Variants in TGFB2 observed in about 807,000 individuals in gnomAD.
TGFB2 encodes the protein transforming growth factor beta 2.
A neutral mutation model predicts 42.7 loss-of-function variants in TGFB2; 13 were observed. The observed-to-expected ratio is 0.30, with a 90% confidence interval of 0.20 to 0.48. TGFB2 has a LOEUF of 0.48. Ranked by LOEUF, TGFB2 falls within the 20% of genes least tolerant of loss-of-function variation. TGFB2 has a pLI of 0.99. For synonymous variants in TGFB2, 193 were observed against 193.6 expected (o/e 1.00, Z 0.03); for missense variants, 390 against 517.5 (o/e 0.75, Z 2.39).
chr1:218,436,459 G>A (rs1032879942), intron 5 of TGFB2, among the ~76,000 whole-genome samples: 8 of 152,272 alleles, frequency 5.3e-5, no homozygotes, highest in African/African-American at 1.9e-4. Flanking sequence ...CTTATTTGAG[G>A]TGTGTGATGT....
At chr1:218,437,593 T>G (rs1660013576) in intron 6 of TGFB2, 97 bp downstream of exon 6, 7 of 1,319,274 alleles carry the variant, frequency 5.3e-6, no homozygotes, top group Non-Finnish European at 7.1e-6. Flanking sequence ...TCGTGCTGTC[T>G]TACCATCACA....
chr1:218,390,408 A>G (rs1475322235), intron 1 of TGFB2, among the ~76,000 whole-genome samples: 1 of 152,062 alleles, frequency 6.6e-6, no homozygotes, highest in African/African-American at 2.4e-5. Context: ...GTGCTTTCCA[A>G]TAAGTTGGGA....
chr1:218,345,368 C>A lies in TGFB2; in HGVS notation c.-1334C>A, dbSNP rs1656623372. On this transcript the variant is annotated 5_prime_UTR_variant, in exon 1 of 7. Coordinates refer to ENST00000366930, the MANE Select transcript of TGFB2 (RefSeq NM_003238.6). Reference sequence around the variant, plus strand: ...TCTGCTGGCAGCAGAAGGTTCGCTCCGAGCGGAGCTCCAGAAGCTCCTGAC... The same window carrying A: ...TCTGCTGGCAGCAGAAGGTTCGCTCAGAGCGGAGCTCCAGAAGCTCCTGAC... 6.6e-6 allele frequency: 1 copy of A among 152,232 alleles called. No individual in the cohort carries two copies. The highest frequency in any genetic ancestry group is 1.9e-4 in the East Asian group (1 of 5,188). 9.4% of individuals were successfully genotyped at this position (152,232 alleles called of 1,614,324 possible). A position where few individuals can be genotyped will look rare whatever the true frequency, so the allele number is the denominator to read the frequency against.
chr1:218,389,304 A>G (rs1658244250), intron 1 of TGFB2, among the ~76,000 whole-genome samples: 1 of 152,190 alleles, frequency 6.6e-6, no homozygotes, highest in African/African-American at 2.4e-5. Context: ...ATTGTGTACT[A>G]AGAGACCTTG....
At chr1:218,359,455 T>TGACC (rs1245918231) in intron 1 of TGFB2, among the ~76,000 whole-genome samples, 1 of 152,210 alleles carries the variant, frequency 6.6e-6, no homozygotes, top group African/African-American at 2.4e-5. Flanking sequence ...TAGAATGAGG[T>TGACC]GACCGGTGCT....
At chr1:218,420,710 G>A (rs186970206) in intron 2 of TGFB2, among the ~76,000 whole-genome samples, 19 of 152,192 alleles carry the variant, frequency 1.2e-4, no homozygotes, top group African/African-American at 2.2e-4. Context: ...AAAGGTCTGC[G>A]TATGCCATAC....
At chr1:218,401,156 T>C (rs1359031697) in intron 1 of TGFB2, among the ~76,000 whole-genome samples, 2 of 152,158 alleles carry the variant, frequency 1.3e-5, no homozygotes, top group East Asian at 3.8e-4. Context: ...AGAAAAACTA[T>C]AAGGAAAGAT....
At chr1:218,429,234 G>A (rs1659727781) in intron 2 of TGFB2, among the ~76,000 whole-genome samples, 3 of 152,256 alleles carry the variant, frequency 2.0e-5, no homozygotes, top group South Asian at 4.1e-4. Flanking sequence ...ACCTGCCTTG[G>A]CCTCCCAAAG....
intron 1 of TGFB2, among the ~76,000 whole-genome samples, chr1:218,393,536 T>G (rs12022831): frequency 0.089 from 13,525 of 152,124 alleles, 758 homozygotes; most frequent in African/African-American, 0.16. Context: ...TGTCATGGGC[T>G]CACTGGCCTC....
At chr1:218,359,740 C>T (rs545794699) in intron 1 of TGFB2, among the ~76,000 whole-genome samples, 1 of 152,238 alleles carries the variant, frequency 6.6e-6, no homozygotes, top group African/African-American at 2.4e-5. Flanking sequence ...TACAGAGTTG[C>T]TATATCACAA....
chr1:218,414,927 G>T (rs1424306734), intron 2 of TGFB2, among the ~76,000 whole-genome samples: 1 of 152,114 alleles, frequency 6.6e-6, no homozygotes, highest in Non-Finnish European at 1.5e-5. Context: ...GCCAGGATTT[G>T]AACCCAGGCG....
chr1:218,424,286 A>G (rs565134237), intron 2 of TGFB2, among the ~76,000 whole-genome samples: 1 of 152,380 alleles, frequency 6.6e-6, no homozygotes, highest in South Asian at 2.1e-4. Flanking sequence ...GGCTCCGAAG[A>G]GTAGCTTATA....
At chr1:218,411,523 C>T (rs1264899551) in intron 2 of TGFB2, among the ~76,000 whole-genome samples, 1 of 152,086 alleles carries the variant, frequency 6.6e-6, no homozygotes, top group Non-Finnish European at 1.5e-5. Context: ...TTGTTTCTTA[C>T]ATGGGGACTC....
intron 1 of TGFB2, among the ~76,000 whole-genome samples, chr1:218,366,027 A>G (rs1251213635): frequency 6.6e-6 from 1 of 152,180 alleles, no homozygotes; most frequent in East Asian, 1.9e-4. Flanking sequence ...ACCCTGGAGG[A>G]GAAAATAGTC....
chr1:218,422,706 A>G (rs183941776), intron 2 of TGFB2, among the ~76,000 whole-genome samples: 6 of 152,264 alleles, frequency 3.9e-5, no homozygotes, highest in Non-Finnish European at 8.8e-5. Context: ...CTATGAACAC[A>G]TCGTTTTAAG....
chr1:218,436,975 T>TA (rs1359144708), intron 5 of TGFB2, among the ~76,000 whole-genome samples: 11 of 152,194 alleles, frequency 7.2e-5, no homozygotes, highest in Non-Finnish European at 1.3e-4. Context: ...GAAAGGGCAA[T>TA]AGAGGCTGGA....
At chr1:218,440,921 C>A (rs963559593) in intron 6 of TGFB2, among the ~76,000 whole-genome samples, 1 of 149,274 alleles carries the variant, frequency 6.7e-6, no homozygotes, top group Non-Finnish European at 1.5e-5. Flanking sequence ...CTGGAAAAAC[C>A]GGGAAAATCT....
chr1:218,353,267 C>T (rs1443376781), intron 1 of TGFB2, among the ~76,000 whole-genome samples: 2 of 152,164 alleles, frequency 1.3e-5, no homozygotes, highest in African/African-American at 4.8e-5. Flanking sequence ...CTTTCCTTTG[C>T]TCACTCAGTT....
chr1:218,432,781 G>A (rs1659848334), intron 2 of TGFB2, among the ~76,000 whole-genome samples: 1 of 152,144 alleles, frequency 6.6e-6, no homozygotes, highest in Non-Finnish European at 1.5e-5. Context: ...AAGCCCATAG[G>A]TATGGAATGA....
Sources: allele counts gnomAD v4.1 joint callset (sites outside exome capture counted in the v4.1 genomes callset), GRCh38; gene constraint gnomAD v4.1.1; transcripts MANE v1.5; gene names NCBI Gene and HGNC (gene_info 2026-07-23, HGNC 2026-07-21).